Variants in AEBP1 observed in about 807,000 individuals in gnomAD.
AEBP1 encodes adipocyte enhancer-binding protein 1.
Under a neutral mutation model 116.5 loss-of-function variants are expected in AEBP1, and 69 were observed. The observed-to-expected ratio is 0.59, with a 90% CI of 0.49 to 0.72. The LOEUF (loss-of-function observed/expected upper bound fraction) is 0.72. AEBP1 is among the 30% of genes least tolerant of loss of function. AEBP1 has a pLI of 0.00. For synonymous variants in AEBP1, 627 were observed against 627.3 expected (o/e 1.00, Z 0.01); for missense variants, 1,444 against 1,557.5 (o/e 0.93, Z 1.23).
rs779075021 is a variant in AEBP1 at position 44,107,470 on chromosome 7, A to T, written c.627A>T (p.Pro209=). 8 of 1,613,282 alleles carry T rather than the reference A, an allele frequency of 5.0e-6. No individual in the cohort carries two copies. The African/African-American group carries it at 1.1e-4, about 22-fold the overall frequency. Residue 209 remains proline, a synonymous_variant, in exon 3 of 21, where the codon CCA becomes CCT. Coordinates refer to ENST00000223357, the MANE Select transcript of AEBP1 (RefSeq NM_001129.5). The surrounding 1 kb of genome is among the most constrained non-coding windows in gnomAD (Gnocchi z 4.3). The part of the protein sequence containing the change: ...GAPLSNNWQN[P]GEETHVEARE... Reference sequence around the variant, plus strand: ...CCCTCTCAAATAACTGGCAGAATCCAGGAGAGGAGACCCATGTGGAGGCAC... The same window carrying T: ...CCCTCTCAAATAACTGGCAGAATCCTGGAGAGGAGACCCATGTGGAGGCAC...
Position 44,110,080 on chromosome 7 carries a change from C to T in AEBP1, c.1216C>T (p.Leu406=). Residue 406 remains leucine, a synonymous_variant, in exon 10 of 21, where the codon CTG becomes TTG. Transcript: ENST00000223357. ...CAACCAGATCCGAGCCTCCTCCATGCTGCGCCACGGCCTGGGGGCACAGCG... is the reference window on the plus strand; with the variant it reads ...CAACCAGATCCGAGCCTCCTCCATGTTGCGCCACGGCCTGGGGGCACAGCG... ...EDNQIRASSM[L]RHGLGAQRGR... The T allele has an allele frequency of 6.2e-7, 1 of 1,613,116 alleles. No individual in the cohort carries two copies. The highest frequency in any genetic ancestry group is 8.5e-7 in the Non-Finnish European group (1 of 1,180,000).
In AEBP1 at chr7:44,110,097, G is replaced by A; in HGVS notation, c.1233G>A (p.Gly411=). 1.2e-6 allele frequency: 2 copies of A among 1,613,128 alleles called. No homozygotes were observed. The highest frequency in any genetic ancestry group is 1.1e-5 in the South Asian group (1 of 91,080). The change falls in exon 10 of 21, where the codon GGG becomes GGA. Residue 411 remains glycine (G), a synonymous_variant. Coordinates refer to ENST00000223357, the MANE Select transcript of AEBP1 (RefSeq NM_001129.5). ...CCTCCATGCTGCGCCACGGCCTGGGGGCACAGCGCGGCCGGCTCAACATGC... is the reference window on the plus strand; with the variant it reads ...CCTCCATGCTGCGCCACGGCCTGGGAGCACAGCGCGGCCGGCTCAACATGC... ...RASSMLRHGL[G]AQRGRLNMQT... is the part of the protein sequence containing the mutation.
chr7:44,109,250 G>T, intron 8 of AEBP1, 38 bp from the exon 9 acceptor site: 1 of 1,611,622 alleles, frequency 6.2e-7, no homozygotes, highest in Non-Finnish European at 8.5e-7. Context: ...ATTGCCTCCC[G>T]GGCCCTTGGT....
At position 44,113,534 on chromosome 7, in the gene AEBP1, T is replaced by C. The variant is rs1225592911; in HGVS notation, c.2810-60T>C. The C allele has an allele frequency of 9.4e-7, 1 of 1,059,366 alleles. No individual in the cohort carries two copies. Among genetic ancestry groups the C allele is most frequent in the Non-Finnish European group, 1.2e-6 (1 of 845,428 alleles). 65.6% of individuals were successfully genotyped at this position (1,059,366 alleles called of 1,614,324 possible). The stretch of plus-strand genomic sequence containing the variant: ...GGGCGGGGCTGGGGGCAGGACTGAG[T>C]GGGAGGGTGGGGGCCTGGGAGGGGC... On this transcript the variant is annotated intron_variant, in intron 20 of 20. Coordinates refer to ENST00000223357, the MANE Select transcript of AEBP1 (RefSeq NM_001129.5). The surrounding 1 kb of genome is among the most constrained non-coding windows in gnomAD (Gnocchi z 5.3).
Position 44,113,553 on chromosome 7 carries a change from G to A in AEBP1, c.2810-41G>A. 1 of 1,552,540 alleles carries A rather than the reference G, an allele frequency of 6.4e-7. No homozygotes were observed. The highest frequency in any genetic ancestry group is 1.8e-5 in the Admixed American group (1 of 56,888). On this transcript the variant is annotated intron_variant, in intron 20 of 20. Coordinates refer to ENST00000223357, the MANE Select transcript of AEBP1 (RefSeq NM_001129.5). The surrounding 1 kb of genome is among the most constrained non-coding windows in gnomAD (Gnocchi z 5.3). ...ACTGAGTGGGAGGGTGGGGGCCTGG[G>A]AGGGGCGCTCTGGGGCAGCCGGATC...
rs2096223078 is a variant in AEBP1, at chr7:44,106,561, C to T, written c.269C>T (p.Thr90Ile). The change falls in exon 2 of 21, where the codon ACC becomes ATC. Residue 90 changes from threonine (T) to isoleucine (I), a missense_variant. Thr to Ile is a moderately conservative substitution (Grantham distance 89). Transcript: ENST00000223357. ...TCTTGGACAGTGCCTCCGGAAAAGA[C>T]CAAAGACAAAGGGAAGAAAGGCAAG... is the stretch of plus-strand genomic sequence containing the variant. ...GTAAEVPPEK[T>I]KDKGKKGKKD... is the part of the protein sequence containing the mutation. 1 of 1,601,872 alleles carries T rather than the reference C, an allele frequency of 6.2e-7. No homozygotes were observed. Among genetic ancestry groups the T allele is most frequent in the South Asian group, 1.1e-5 (1 of 89,430 alleles).
chr7:44,109,828 C>T, intron 9 of AEBP1, 187 bp from the exon 10 acceptor site: 1 of 612,484 alleles, frequency 1.6e-6, no homozygotes, highest in Non-Finnish European at 2.9e-6. Flanking sequence ...GGAAACAGCT[C>T]CTGGCCTGGC....
Position 44,109,348 on chromosome 7 carries a change from G to T in AEBP1, c.1150+7G>T. On this transcript the variant is annotated splice_region_variant and intron_variant, in intron 9 of 20. Transcript: ENST00000223357. Reference sequence around the variant, plus strand: ...ACGCCTACGGAGAAAGTCAGTAAGTGGGGGGCACAAGGGGGTGAGGGTGGG... The same window carrying T: ...ACGCCTACGGAGAAAGTCAGTAAGTTGGGGGCACAAGGGGGTGAGGGTGGG... 1.3e-6 allele frequency: 2 copies of T among 1,586,032 alleles called. No homozygotes were observed. The highest frequency in any genetic ancestry group is 1.2e-5 in the South Asian group (1 of 86,634).
At position 44,104,726 on chromosome 7, in the gene AEBP1, C is replaced by A; in HGVS notation, c.61C>A (p.Pro21Thr). The change falls in exon 1 of 21, where the codon CCT becomes ACT. Residue 21 changes from proline to threonine, a missense_variant. By Grantham distance (38) the Pro-to-Thr change is conservative (BLOSUM62 -1). Transcript: ENST00000223357. ...SCLLALLALC[P>T]GGRPQTVLTD... ...CCTCCTGGCGTTGCTGGCCCTGTGCCCTGGAGGGCGCCCGCAGACGGTGCT... is the reference window on the plus strand; with the variant it reads ...CCTCCTGGCGTTGCTGGCCCTGTGCACTGGAGGGCGCCCGCAGACGGTGCT... 6.2e-7 allele frequency: 1 copy of A among 1,610,926 alleles called. No homozygotes were observed. Among genetic ancestry groups the A allele is most frequent in the Non-Finnish European group, 8.5e-7 (1 of 1,179,372 alleles).
Position 44,111,611 on chromosome 7 carries a change from C to T in AEBP1, c.1821C>T (p.Asn607=), listed in dbSNP as rs1227294888. 6.2e-7 allele frequency: 1 copy of T among 1,613,152 alleles called. No homozygotes were observed. The highest frequency in any genetic ancestry group is 1.1e-5 in the South Asian group (1 of 91,058). The stretch of plus-strand genomic sequence containing the variant: ...TCTATGCCATGGAGATCTCAGACAA[C>T]CCTGGGGAGCATGAACTGGGTGAGG... The part of the protein sequence containing the change: ...LKIYAMEISD[N]PGEHELGEPE... The change falls in exon 15 of 21, where the codon AAC becomes AAT. Residue 607 remains asparagine, a synonymous_variant. Transcript: ENST00000223357. This position sits in a 1 kb window ranked among gnomAD's most constrained non-coding sequence, Gnocchi z 4.7.
Position 44,110,328 on chromosome 7 carries a change from G to A in AEBP1, c.1382G>A (p.Gly461Asp), listed in dbSNP as rs199564337. 9 of 1,613,712 alleles carry A rather than the reference G, an allele frequency of 5.6e-6. No individual in the cohort carries two copies. The African/African-American group carries it at 8.0e-5, about 14-fold the overall frequency. Residue 461 changes from glycine to aspartate, a missense_variant, in exon 11 of 21, where the codon GGC becomes GAC. Transcript: ENST00000223357. Reference sequence around the variant, plus strand: ...CGGTTCACAGGCGTCATCACCCAGGGCAGAGACTCCAGCATCCAGTGCGTG... The same window carrying A: ...CGGTTCACAGGCGTCATCACCCAGGACAGAGACTCCAGCATCCAGTGCGTG... ...TTRFTGVITQGRDSSIHDDFV... is the reference protein window; with the variant it reads ...TTRFTGVITQDRDSSIHDDFV...
chr7:44,104,380 G>A lies in AEBP1; in HGVS notation c.-286G>A. 1 of 281,452 alleles carries A rather than the reference G, an allele frequency of 3.6e-6. No individual in the cohort carries two copies. The highest frequency in any genetic ancestry group is 6.6e-6 in the Non-Finnish European group (1 of 151,796). 17.4% of individuals were successfully genotyped at this position (281,452 alleles called of 1,614,324 possible). On this transcript the variant is annotated 5_prime_UTR_variant, in exon 1 of 21. Coordinates refer to ENST00000223357, the MANE Select transcript of AEBP1 (RefSeq NM_001129.5). ...TGGAGACGGCTATCCGCGCGGGAGT[G>A]CGCCACGCGGGGCCGGAGCGCCTAT... is the stretch of plus-strand genomic sequence containing the variant.
At position 44,104,879 on chromosome 7, in the gene AEBP1, G is replaced by T. The variant is rs748847396; in HGVS notation, c.214G>T (p.Gly72Trp). ...PTPRVRKAQA[G>W]GKPGKRPGTA... Reference sequence around the variant, plus strand: ...CCCGCGGGTCCGAAAAGCCCAGGCGGGGGGCAAGCCAGGGAAGCGGCCAGG... The same window carrying T: ...CCCGCGGGTCCGAAAAGCCCAGGCGTGGGGCAAGCCAGGGAAGCGGCCAGG... Residue 72 changes from glycine to tryptophan, a missense_variant, in exon 1 of 21, where the codon GGG becomes TGG. Transcript: ENST00000223357. 1 of 1,560,108 alleles carries T rather than the reference G, an allele frequency of 6.4e-7. No individual in the cohort carries two copies. The highest frequency in any genetic ancestry group is 2.4e-5 in the East Asian group (1 of 41,444).
At chr7:44,106,255 T>G in intron 1 of AEBP1, 4 of 584,786 alleles carry the variant, frequency 6.8e-6, no homozygotes, top group Non-Finnish European at 6.4e-6. Flanking sequence ...GGAACCCCTA[T>G]TGAGGTTTTG....
chr7:44,107,730 G>A lies in AEBP1; in HGVS notation c.739+30G>A, dbSNP rs777939416. ...GTAGGGTCCTGCCAGCCCCACCTGG[G>A]TCGGACCCCTGGCCTGGGGGATGTG... On this transcript the variant is annotated intron_variant, in intron 4 of 20. Coordinates refer to ENST00000223357, the MANE Select transcript of AEBP1 (RefSeq NM_001129.5). This position sits in a 1 kb window ranked among gnomAD's most constrained non-coding sequence, Gnocchi z 4.3. 1.2e-6 allele frequency: 2 copies of A among 1,613,320 alleles called. No individual in the cohort carries two copies. Among genetic ancestry groups the A allele is most frequent in the East Asian group, 4.5e-5 (2 of 44,854 alleles).
Position 44,107,816 on chromosome 7 carries a change from C to T in AEBP1, c.747C>T (p.Tyr249=), listed in dbSNP as rs1213805608. The change falls in exon 5 of 21, where the codon TAC becomes TAT. Residue 249 remains tyrosine, a synonymous_variant. Transcript: ENST00000223357. The surrounding 1 kb of genome is among the most constrained non-coding windows in gnomAD (Gnocchi z 4.3). ...IEREDYEDFE[Y]IRRQKQPRPP... ...AGCCAGCCTCCCCCTCAGTTGAGTACATTCGGCGCCAGAAGCAACCCAGGC... is the reference window on the plus strand; with the variant it reads ...AGCCAGCCTCCCCCTCAGTTGAGTATATTCGGCGCCAGAAGCAACCCAGGC... 2.5e-6 allele frequency: 4 copies of T among 1,611,726 alleles called. No homozygotes were observed. Among genetic ancestry groups the T allele is most frequent in the Non-Finnish European group, 2.5e-6 (3 of 1,179,464 alleles).
Position 44,107,792 on chromosome 7 carries a change from G to A in AEBP1, c.740-17G>A. ...ATCCCAGCCTTGGGCCCCACTCTGA[G>A]CCAGCCTCCCCCTCAGTTGAGTACA... On this transcript the variant is annotated splice_polypyrimidine_tract_variant and intron_variant, in intron 4 of 20. Coordinates refer to ENST00000223357, the MANE Select transcript of AEBP1 (RefSeq NM_001129.5). This position sits in a 1 kb window ranked among gnomAD's most constrained non-coding sequence, Gnocchi z 4.3. 1 of 1,612,296 alleles carries A rather than the reference G, an allele frequency of 6.2e-7. No individual in the cohort carries two copies. Among genetic ancestry groups the A allele is most frequent in the African/African-American group, 1.3e-5 (1 of 74,856 alleles).
At chr7:44,110,374 G>A in intron 11 of AEBP1, 28 bp downstream of exon 11, 1 of 1,613,270 alleles carries the variant, frequency 6.2e-7, no homozygotes, top group Non-Finnish European at 8.5e-7. Context: ...TGGATAGTTG[G>A]CAGAGGGGAG....
chr7:44,109,083 C>A, intron 7 of AEBP1, 24 bp from the exon 8 acceptor site: 1 of 1,613,186 alleles, frequency 6.2e-7, no homozygotes, highest in Non-Finnish European at 8.5e-7. Context: ...GGCTGACTGG[C>A]CCCTCCTACC....
Sources: allele counts gnomAD v4.1 joint callset, GRCh38; gene constraint gnomAD v4.1.1; non-coding constraint Gnocchi (gnomAD v3.1); transcripts MANE v1.5; gene names NCBI Gene and HGNC (gene_info 2026-07-23, HGNC 2026-07-21).